CCDC170: variants seen among roughly 807,000 people sequenced by gnomAD.
CCDC170 encodes the protein coiled-coil domain-containing protein 170.
In CCDC170, 69 loss-of-function variants were observed where a neutral mutation model predicts 72.6. The observed-to-expected ratio is 0.95, with a 90% CI of 0.78 to 1.16. The LOEUF is 1.16. Ranked by LOEUF, CCDC170 falls within the 50% of genes most tolerant of loss-of-function variation. The probability of loss-of-function intolerance (pLI) is 0.00; values close to 1 mark genes in which losing one functional copy is unlikely to be tolerated. For missense variants in CCDC170, 852 were observed against 832.5 expected, an observed-to-expected ratio of 1.02 and a Z score of -0.29; for synonymous variants, 300 against 303.9, an observed-to-expected ratio of 0.99 and a Z score of 0.13.
intron 1 of CCDC170, among the ~76,000 whole-genome samples, chr6:151,498,595 C>A (rs1781943013): frequency 6.6e-6 from 1 of 152,240 alleles, no homozygotes; most frequent in Admixed American, 6.5e-5. Flanking sequence ...TAACAACCAC[C>A]ATTCTACTTT....
chr6:151,494,271 CT>C, intron 1 of CCDC170, 86 bp downstream of exon 1: 13 of 1,333,630 alleles, frequency 9.7e-6, no homozygotes, highest in Admixed American at 3.1e-5. Context: ...GATTTGCACC[CT>C]TTTCCTCCCG....
At chr6:151,580,399 A>T (rs1036036577) in intron 6 of CCDC170, among the ~76,000 whole-genome samples, 1 of 151,852 alleles carries the variant, frequency 6.6e-6, no homozygotes, top group Non-Finnish European at 1.5e-5. Context: ...TCTTGTGGAC[A>T]TTTTTCTGTA....
intron 3 of CCDC170, among the ~76,000 whole-genome samples, 184 bp from the exon 4 acceptor site, chr6:151,544,388 C>T (rs1350680678): frequency 6.6e-6 from 1 of 152,186 alleles, no homozygotes; most frequent in Non-Finnish European, 1.5e-5. Flanking sequence ...ATTGCTGCCA[C>T]TTTTCTCCTT....
chr6:151,575,603 C>T (rs569908894), intron 6 of CCDC170, among the ~76,000 whole-genome samples: 5 of 130,932 alleles, frequency 3.8e-5, no homozygotes, highest in Admixed American at 8.8e-5. Context: ...AAACTCGGCT[C>T]ACTGCAATCT....
At position 151,583,292 on chromosome 6, in the gene CCDC170, C is replaced by T. The variant is rs1007121638; in HGVS notation, c.1093-2597C>T. Among the ~76,000 whole-genome samples, 9 of 151,908 alleles carry T rather than the reference C, an allele frequency of 5.9e-5. 1 individual carries two copies. The South Asian group carries it at 1.9e-3, about 32-fold the overall frequency. ...ACAGGCGTGAGCCACCGTGCCTGGC[C>T]TGGAGTAGCACTTTTAATTTCCTTC... On this transcript the variant is annotated intron_variant, in intron 6 of 10. Coordinates refer to ENST00000239374, the MANE Select transcript of CCDC170 (RefSeq NM_025059.4).
chr6:151,543,107 A>G (rs1444307209), intron 3 of CCDC170, among the ~76,000 whole-genome samples: 2 of 152,224 alleles, frequency 1.3e-5, no homozygotes, highest in Non-Finnish European at 2.9e-5. Context: ...AAATGACACT[A>G]AATTACTGAA....
chr6:151,523,690 A>C lies in CCDC170; in HGVS notation c.58-12628A>C, dbSNP rs565911818. 4.2e-3 allele frequency among the ~76,000 whole-genome samples: 637 copies of C among 152,172 alleles called. 5 individuals carry two copies. The highest frequency in any genetic ancestry group is 0.015 in the African/African-American group (612 of 41,532). ...GACAGAGTAAGACTCTGTCTCAAAA[A>C]AAAAAAAAAAATCATTGAATTCTTG... On this transcript the variant is annotated intron_variant, in intron 1 of 10. Coordinates refer to ENST00000239374, the MANE Select transcript of CCDC170 (RefSeq NM_025059.4).
intron 7 of CCDC170, among the ~76,000 whole-genome samples, 168 bp downstream of exon 7, chr6:151,586,257 T>C (rs181369458): frequency 1.8e-4 from 28 of 152,308 alleles, no homozygotes; most frequent in Non-Finnish European, 2.8e-4. Context: ...TTCAAATTAA[T>C]TTAATTAAAC....
In CCDC170 at chr6:151,573,206, T is replaced by C. The variant is rs371715603; in HGVS notation, c.807T>C (p.Ala269=). 1.9e-6 allele frequency: 3 copies of C among 1,613,662 alleles called. No individual in the cohort carries two copies. The African/African-American group carries it at 4.0e-5, about 22-fold the overall frequency. The change falls in exon 6 of 11, where the codon GCT becomes GCC. Residue 269 remains alanine, a synonymous_variant. Coordinates refer to ENST00000239374, the MANE Select transcript of CCDC170 (RefSeq NM_025059.4). ...DLLSAVEAKE[A]LEREVKIFQE... is the part of the protein sequence containing the mutation. ...TCAGTGCTGTAGAAGCAAAAGAAGC[T>C]CTTGAAAGGGAAGTTAAGATCTTCC...
intron 10 of CCDC170, 79 bp downstream of exon 10, chr6:151,615,758 T>G (rs1583053652): frequency 4.8e-6 from 5 of 1,037,326 alleles, no homozygotes; most frequent in Non-Finnish European, 7.3e-6. Context: ...TACTTATTCA[T>G]GCATTTCTTT....
chr6:151,534,060 A>G (rs536863534), intron 1 of CCDC170, among the ~76,000 whole-genome samples: 1 of 138,914 alleles, frequency 7.2e-6, no homozygotes, highest in Non-Finnish European at 1.6e-5. Flanking sequence ...TCATTCATTC[A>G]TTCATTCCTT....
At chr6:151,611,688 G>A (rs964654746) in intron 9 of CCDC170, among the ~76,000 whole-genome samples, 3 of 152,054 alleles carry the variant, frequency 2.0e-5, no homozygotes, top group Non-Finnish European at 4.4e-5. Flanking sequence ...GAAGTTCTAT[G>A]GGTTATAGTA....
chr6:151,506,273 T>A (rs1456672801), intron 1 of CCDC170, among the ~76,000 whole-genome samples: 1 of 152,194 alleles, frequency 6.6e-6, no homozygotes, highest in East Asian at 1.9e-4. Context: ...CAATTAGAAT[T>A]TTAGAGAATA....
At chr6:151,572,649 G>GGTTTTTTTTTTTTTTTT (rs1776234680) in intron 5 of CCDC170, among the ~76,000 whole-genome samples, 11 of 37,978 alleles carry the variant, frequency 2.9e-4, no homozygotes, top group African/African-American at 1.3e-3. Flanking sequence ...CCTTCTCTGT[G>GGTTTTTTTTTTTTTTTT]TTTTTTTTTT....
chr6:151,547,315 T>C (rs1267581243), intron 4 of CCDC170, among the ~76,000 whole-genome samples: 1 of 151,984 alleles, frequency 6.6e-6, no homozygotes, highest in African/African-American at 2.4e-5. Flanking sequence ...TTTCAAAGGG[T>C]AAGGATAGTG....
chr6:151,538,790 A>G (rs2115048669), intron 3 of CCDC170, among the ~76,000 whole-genome samples: 1 of 152,358 alleles, frequency 6.6e-6, no homozygotes, highest in East Asian at 1.9e-4. Context: ...GATTATTGAG[A>G]CAAAATTGGG....
intron 1 of CCDC170, among the ~76,000 whole-genome samples, chr6:151,526,478 C>T (rs555196519): frequency 6.6e-6 from 1 of 150,896 alleles, no homozygotes. Context: ...CCTTGGCCTC[C>T]CATAGTACTG....
At chr6:151,578,311 C>G (rs77076060) in intron 6 of CCDC170, among the ~76,000 whole-genome samples, 1,907 of 152,212 alleles carry the variant, frequency 0.013, 41 homozygotes, top group African/African-American at 0.044. Flanking sequence ...AGAAGTCTGG[C>G]ATCAAGGTGT....
In CCDC170 at chr6:151,618,667, G is replaced by C. The variant is rs1777009786; in HGVS notation, c.*520G>C. 6.3e-6 allele frequency: 1 copy of C among 158,774 alleles called. No individual in the cohort carries two copies. The highest frequency in any genetic ancestry group is 2.4e-5 in the African/African-American group (1 of 41,482). 9.8% of individuals were successfully genotyped at this position (158,774 alleles called of 1,614,324 possible). Reference sequence around the variant, plus strand: ...TCTGTTTCTCCTGAATCTCTGTGATGCTGGTGGGAATTGTTTGCATAGAGG... The same window carrying C: ...TCTGTTTCTCCTGAATCTCTGTGATCCTGGTGGGAATTGTTTGCATAGAGG... On this transcript the variant is annotated 3_prime_UTR_variant, in exon 11 of 11. Coordinates refer to ENST00000239374, the MANE Select transcript of CCDC170 (RefSeq NM_025059.4).
Sources: allele counts gnomAD v4.1 joint callset (sites outside exome capture counted in the v4.1 genomes callset), GRCh38; gene constraint gnomAD v4.1.1; transcripts MANE v1.5; gene names NCBI Gene and HGNC (gene_info 2026-07-23, HGNC 2026-07-21).